KIAA0825: variants seen among roughly 807,000 people sequenced by gnomAD.
The protein encoded by KIAA0825 is uncharacterized protein KIAA0825.
Under a neutral mutation model 147.6 loss-of-function variants are expected in KIAA0825, and 119 were observed. That is an observed-to-expected ratio of 0.81 (90% confidence interval 0.69 to 0.94). The LOEUF (loss-of-function observed/expected upper bound fraction) is 0.94. Among genes scored for constraint, KIAA0825 ranks in the 40% least tolerant of loss-of-function variants. The pLI is 0.00. For synonymous variants in KIAA0825, 470 were observed against 518.1 expected, an observed-to-expected ratio of 0.91 and a Z score of 1.26; for missense variants, 1,381 against 1,472.7, an observed-to-expected ratio of 0.94 and a Z score of 1.02.
chr5:94,471,664 G>T lies in KIAA0825; in HGVS notation c.1523C>A (p.Ser508Tyr). 1.3e-6 allele frequency: 2 copies of T among 1,552,270 alleles called. No homozygotes were observed. The highest frequency in any genetic ancestry group is 2.7e-5 in the African/African-American group (2 of 73,162). Residue 508 changes from serine to tyrosine, a missense_variant, in exon 9 of 21, where the codon TCT becomes TAT. Physicochemically the swap from Ser to Tyr is moderately radical, Grantham distance 144 (BLOSUM62 -2). Coordinates refer to ENST00000682413, the MANE Select transcript of KIAA0825 (RefSeq NM_001145678.3). Reference sequence around the variant, plus strand: ...CAAGTTTGCTCTAATTTCCTGAAAAGAATCATCTCTGCATGCCAGAGCCAG... The same window carrying T: ...CAAGTTTGCTCTAATTTCCTGAAAATAATCATCTCTGCATGCCAGAGCCAG... ...LPLALACRDD[S>Y]FQEIRANLVE...
chr5:94,334,233 C>T lies in KIAA0825; in HGVS notation c.3710+50135G>A, dbSNP rs1467110542. Among the ~76,000 whole-genome samples, 14 of 152,208 alleles carry T rather than the reference C, an allele frequency of 9.2e-5. No individual in the cohort carries two copies. In the East Asian group the frequency reaches 9.6e-4, roughly 10 times the overall value. ...CTGCCTTCGCTACTCCTGTTCAACACGATACAGAAAGTCTCAGCCAGTGCA... is the reference window on the plus strand; with the variant it reads ...CTGCCTTCGCTACTCCTGTTCAACATGATACAGAAAGTCTCAGCCAGTGCA... On this transcript the variant is annotated intron_variant, in intron 20 of 20. Transcript: ENST00000682413.
chr5:94,341,034 A>G (rs2150328461), intron 20 of KIAA0825, among the ~76,000 whole-genome samples: 1 of 152,266 alleles, frequency 6.6e-6, no homozygotes, highest in South Asian at 2.1e-4. Flanking sequence ...TCTCTCAAAG[A>G]TGTTTCTTTG....
intron 3 of KIAA0825, among the ~76,000 whole-genome samples, chr5:94,535,008 T>C (rs1771674782): frequency 6.6e-6 from 1 of 152,108 alleles, no homozygotes; most frequent in South Asian, 2.1e-4. Context: ...AATTACCCTA[T>C]AGTTATTTTA....
At chr5:94,155,561 T>C (rs1192571315) in intron 20 of KIAA0825, among the ~76,000 whole-genome samples, 1 of 152,066 alleles carries the variant, frequency 6.6e-6, no homozygotes, top group Non-Finnish European at 1.5e-5. Context: ...CTGAGTTCAG[T>C]ATGCCCTGGC....
At chr5:94,400,403 T>C (rs1751222713) in intron 16 of KIAA0825, among the ~76,000 whole-genome samples, 2 of 152,168 alleles carry the variant, frequency 1.3e-5, no homozygotes, top group Admixed American at 6.6e-5. Context: ...TTATACACTA[T>C]ACTAATGACT....
intron 1 of KIAA0825, among the ~76,000 whole-genome samples, chr5:94,608,718 G>GAA (rs1788130922): frequency 1.3e-5 from 2 of 150,224 alleles, no homozygotes; most frequent in South Asian, 4.2e-4. Flanking sequence ...TAACTTCAAT[G>GAA]AAAACATCAG....
chr5:94,333,989 A>G (rs1781540869), intron 20 of KIAA0825, among the ~76,000 whole-genome samples: 1 of 152,054 alleles, frequency 6.6e-6, no homozygotes, highest in Admixed American at 6.5e-5. Flanking sequence ...ATGCTCATGG[A>G]TAGGAAGAAT....
At chr5:94,523,327 G>C (rs1768580820) in intron 4 of KIAA0825, among the ~76,000 whole-genome samples, 1 of 151,612 alleles carries the variant, frequency 6.6e-6, no homozygotes, top group African/African-American at 2.4e-5. Context: ...GGAGAAACAA[G>C]TGTGATAAAA....
At chr5:94,274,413 C>T (rs1777128065) in intron 20 of KIAA0825, among the ~76,000 whole-genome samples, 3 of 152,008 alleles carry the variant, frequency 2.0e-5, no homozygotes, top group South Asian at 4.1e-4. Flanking sequence ...GTCATATAAC[C>T]ACCAGAATTT....
chr5:94,418,475 C>A (rs1056435162), intron 14 of KIAA0825, among the ~76,000 whole-genome samples: 3 of 150,706 alleles, frequency 2.0e-5, no homozygotes, highest in African/African-American at 7.3e-5. Context: ...CCCTCCCCCA[C>A]CCCTGCCCCC....
At chr5:94,173,373 A>G (rs897442373) in intron 20 of KIAA0825, among the ~76,000 whole-genome samples, 1 of 152,138 alleles carries the variant, frequency 6.6e-6, no homozygotes, top group African/African-American at 2.4e-5. Context: ...AGATTCAAAG[A>G]TTGGGAGACA....
intron 20 of KIAA0825, among the ~76,000 whole-genome samples, chr5:94,200,955 A>G (rs1324601841): frequency 8.7e-6 from 1 of 115,066 alleles, no homozygotes; most frequent in African/African-American, 3.7e-5. Flanking sequence ...ACATATATAT[A>G]TATATATATA....
intron 20 of KIAA0825, among the ~76,000 whole-genome samples, chr5:94,368,091 GGT>G (rs1284943256): frequency 6.6e-6 from 1 of 152,186 alleles, no homozygotes; most frequent in African/African-American, 2.4e-5. Context: ...CTGTGTAAAA[GGT>G]GTGTGTTGTG....
intron 20 of KIAA0825, among the ~76,000 whole-genome samples, chr5:94,261,604 G>A (rs1420932322): frequency 6.6e-6 from 1 of 151,956 alleles, no homozygotes; most frequent in Non-Finnish European, 1.5e-5. Context: ...GCCTTAATAG[G>A]GTAATTATAA....
chr5:94,477,119 C>T lies in KIAA0825; in HGVS notation c.1219G>A (p.Gly407Arg). 1 of 1,549,314 alleles carries T rather than the reference C, an allele frequency of 6.5e-7. No homozygotes were observed. The highest frequency in any genetic ancestry group is 2.5e-5 in the East Asian group (1 of 40,780). The change falls in exon 7 of 21, where the codon GGA becomes AGA. Residue 407 changes from glycine (G) to arginine (R), a missense_variant. Physicochemically the swap from Gly to Arg is moderately radical, Grantham distance 125 (BLOSUM62 -2). Coordinates refer to ENST00000682413, the MANE Select transcript of KIAA0825 (RefSeq NM_001145678.3). ...TNIPSEQSLP[G>R]KEATLLDFGW... ...CTTTTTCCTTCACTTACCTCTTTTC[C>T]TGGTAGTGATTGCTCGGAAGGAATA...
At chr5:94,393,820 A>G (rs576578055) in intron 17 of KIAA0825, among the ~76,000 whole-genome samples, 20 of 151,820 alleles carry the variant, frequency 1.3e-4, no homozygotes, top group Non-Finnish European at 2.2e-4. Context: ...CAGATAATCA[A>G]TTTGAAATCA....
chr5:94,157,501 A>G (rs1372895978), intron 20 of KIAA0825, among the ~76,000 whole-genome samples: 1 of 152,134 alleles, frequency 6.6e-6, no homozygotes, highest in Non-Finnish European at 1.5e-5. Flanking sequence ...AGCAGTTACA[A>G]CTTTGCTCAT....
intron 2 of KIAA0825, among the ~76,000 whole-genome samples, chr5:94,551,764 A>G (rs564808090): frequency 6.6e-6 from 1 of 152,198 alleles, no homozygotes; most frequent in East Asian, 1.9e-4. Context: ...AAAATACTCA[A>G]AATTATAGAA....
chr5:94,170,048 A>G (rs1768458971), intron 20 of KIAA0825, among the ~76,000 whole-genome samples: 1 of 152,114 alleles, frequency 6.6e-6, no homozygotes, highest in South Asian at 2.1e-4. Flanking sequence ...TTCATATAAC[A>G]ATAGTGATTG....
Sources: allele counts gnomAD v4.1 joint callset (sites outside exome capture counted in the v4.1 genomes callset), GRCh38; gene constraint gnomAD v4.1.1; transcripts MANE v1.5; gene names NCBI Gene and HGNC (gene_info 2026-07-23, HGNC 2026-07-21).